PLA2G4A: variants seen among roughly 807,000 people sequenced by gnomAD.
PLA2G4A encodes the protein cytosolic phospholipase A2.
PLA2G4A carries 40 observed loss-of-function variants against 81.9 expected under a neutral mutation model. That is an observed-to-expected ratio of 0.49 (90% CI 0.38 to 0.64). PLA2G4A has a LOEUF of 0.64. Among genes scored for constraint, PLA2G4A ranks in the 30% least tolerant of loss-of-function variants. PLA2G4A has a pLI of 0.00. For synonymous variants in PLA2G4A, 302 were observed against 296.9 expected (o/e 1.02, Z -0.18); for missense variants, 715 against 905.1 (o/e 0.79, Z 2.69).
chr1:186,980,111 C>A (rs1657672215), intron 17 of PLA2G4A, among the ~76,000 whole-genome samples: 1 of 152,018 alleles, frequency 6.6e-6, no homozygotes, highest in South Asian at 2.1e-4. Flanking sequence ...CCACGCCCGG[C>A]TAATTTTTTT....
In PLA2G4A at chr1:186,884,939, G is replaced by A. The variant is rs573041728; in HGVS notation, c.116-8072G>A. Among the ~76,000 whole-genome samples the A allele has an allele frequency of 5.9e-5, 9 of 151,514 alleles. No individual in the cohort carries two copies. The South Asian group carries it at 1.2e-3, about 21-fold the overall frequency. On this transcript the variant is annotated intron_variant, in intron 3 of 17. Transcript: ENST00000367466. ...AATAAGCTCATATTCTGCAAGCCAC[G>A]TTTTCCCTCAGTCTATTAGTTAGCT...
Position 186,965,417 on chromosome 1 carries a change from G to C in PLA2G4A, c.1588G>C (p.Glu530Gln). The change falls in exon 15 of 18, where the codon GAA (glutamate) becomes CAA (glutamine). Residue 530 changes from glutamate (E) to glutamine (Q), a missense_variant. Glu to Gln is a conservative substitution (Grantham distance 29, BLOSUM62 2). Transcript: ENST00000367466. ...ELDAAVADPDEFERIYEPLDV... is the reference protein window; with the variant it reads ...ELDAAVADPDQFERIYEPLDV... ...TCTTTTATGTTTTTAAGATCCTGATGAATTTGAGCGAATATATGAGCCTCT... is the reference window on the plus strand; with the variant it reads ...TCTTTTATGTTTTTAAGATCCTGATCAATTTGAGCGAATATATGAGCCTCT... 6.3e-7 allele frequency: 1 copy of C among 1,595,566 alleles called. No homozygotes were observed. The highest frequency in any genetic ancestry group is 8.6e-7 in the Non-Finnish European group (1 of 1,163,248).
At chr1:186,945,944 C>T (rs1231362880) in intron 10 of PLA2G4A, among the ~76,000 whole-genome samples, 1 of 152,158 alleles carries the variant, frequency 6.6e-6, no homozygotes, top group Non-Finnish European at 1.5e-5. Flanking sequence ...ACACTATCTA[C>T]TTGTGATATG....
intron 5 of PLA2G4A, among the ~76,000 whole-genome samples, chr1:186,899,743 G>A (rs942619612): frequency 4.6e-5 from 7 of 152,158 alleles, no homozygotes; most frequent in African/African-American, 1.7e-4. Context: ...GCATTAGCAA[G>A]CAATGTTAAC....
At chr1:186,872,629 C>T (rs1421337318) in intron 3 of PLA2G4A, among the ~76,000 whole-genome samples, 2 of 151,844 alleles carry the variant, frequency 1.3e-5, no homozygotes, top group African/African-American at 4.8e-5. Flanking sequence ...TCTCTTTCAA[C>T]TGGTGTGGAT....
intron 2 of PLA2G4A, among the ~76,000 whole-genome samples, chr1:186,856,398 T>C (rs1416623938): frequency 6.6e-6 from 1 of 151,244 alleles, no homozygotes; most frequent in Non-Finnish European, 1.5e-5. Context: ...TGTTGCTTTT[T>C]TTTTTTTTTG....
chr1:186,888,109 T>C (rs1395858469), intron 3 of PLA2G4A, among the ~76,000 whole-genome samples: 6 of 152,188 alleles, frequency 3.9e-5, no homozygotes, highest in Non-Finnish European at 8.8e-5. Flanking sequence ...ACTCTGGACA[T>C]ACATTTTAGA....
intron 2 of PLA2G4A, among the ~76,000 whole-genome samples, chr1:186,864,590 G>C (rs1021126117): frequency 9.2e-5 from 14 of 151,400 alleles, no homozygotes; most frequent in African/African-American, 3.4e-4. Flanking sequence ...TTGGCCATTT[G>C]AGTGTCTTCT....
intron 1 of PLA2G4A, among the ~76,000 whole-genome samples, chr1:186,839,965 CTTTTTTTTTTTTTT>C (rs61704569): frequency 1.5e-4 from 11 of 75,020 alleles, no homozygotes; most frequent in Non-Finnish European, 2.1e-4. Context: ...TAATTGACTT[CTTTTTTTTTTTTTT>C]TTTTTTTTTT....
chr1:186,894,201 T>C lies in PLA2G4A; in HGVS notation c.368T>C (p.Ile123Thr). 8.4e-7 allele frequency: 1 copy of C among 1,191,708 alleles called. No homozygotes were observed. Among genetic ancestry groups the C allele is most frequent in the South Asian group, 1.2e-5 (1 of 82,740 alleles). 73.8% of individuals were successfully genotyped at this position (1,191,708 alleles called of 1,614,324 possible). The change falls in exon 5 of 18, where the codon ATT becomes ACT. Residue 123 changes from isoleucine (I) to threonine (T), a missense_variant. Physicochemically the swap from Ile to Thr is moderately conservative, Grantham distance 89 (BLOSUM62 -1). Coordinates refer to ENST00000367466, the MANE Select transcript of PLA2G4A (RefSeq NM_024420.3). ...GGAGAAAAGAAAGAAGTTCCTTTTA[T>C]TTTCAACCAAGTAAGTAACACTGCA... is the stretch of plus-strand genomic sequence containing the variant. The part of the protein sequence containing the change: ...KVGEKKEVPF[I>T]FNQVTEMVLE...
At chr1:186,924,463 C>A (rs1470514615) in intron 7 of PLA2G4A, among the ~76,000 whole-genome samples, 3 of 152,210 alleles carry the variant, frequency 2.0e-5, no homozygotes, top group Non-Finnish European at 2.9e-5. Context: ...TTTTCACGGT[C>A]TTTATCATGC....
At chr1:186,923,765 T>C (rs1362432453) in intron 7 of PLA2G4A, among the ~76,000 whole-genome samples, 6 of 152,260 alleles carry the variant, frequency 3.9e-5, no homozygotes, top group Non-Finnish European at 8.8e-5. Flanking sequence ...AAGTCATGAC[T>C]GTCAACTTTA....
At chr1:186,967,017 T>G (rs1390576639) in intron 15 of PLA2G4A, among the ~76,000 whole-genome samples, 1 of 152,150 alleles carries the variant, frequency 6.6e-6, no homozygotes, top group Non-Finnish European at 1.5e-5. Flanking sequence ...AGTTATTATT[T>G]TGATTTTATA....
chr1:186,846,217 T>C (rs1407576028), intron 1 of PLA2G4A, among the ~76,000 whole-genome samples: 1 of 152,140 alleles, frequency 6.6e-6, no homozygotes, highest in Admixed American at 6.6e-5. Context: ...TATTAACAGT[T>C]ACAGAGAGAA....
chr1:186,893,201 T>C, intron 4 of PLA2G4A, 42 bp downstream of exon 4: 1 of 1,547,638 alleles, frequency 6.5e-7, no homozygotes, highest in South Asian at 1.1e-5. Context: ...TTGTGATTCA[T>C]GTTGAGAGAC....
At chr1:186,902,577 C>T (rs901707107) in intron 5 of PLA2G4A, among the ~76,000 whole-genome samples, 2 of 152,080 alleles carry the variant, frequency 1.3e-5, no homozygotes, top group Non-Finnish European at 2.9e-5. Context: ...ACGTACACAT[C>T]CAGGTAGCCT....
At chr1:186,919,511 C>T (rs1481912656) in intron 7 of PLA2G4A, among the ~76,000 whole-genome samples, 2 of 152,140 alleles carry the variant, frequency 1.3e-5, no homozygotes, top group East Asian at 3.9e-4. Flanking sequence ...GAAGGTCGTC[C>T]ACGTACAGGA....
chr1:186,905,698 T>TCACACACACA (rs71104895), intron 5 of PLA2G4A, among the ~76,000 whole-genome samples: 5 of 148,906 alleles, frequency 3.4e-5, no homozygotes, highest in African/African-American at 1.2e-4. Flanking sequence ...CTCCTCCTCC[T>TCACACACACA]CACACACACA....
chr1:186,936,955 G>C (rs1655968566), intron 8 of PLA2G4A, among the ~76,000 whole-genome samples: 1 of 151,306 alleles, frequency 6.6e-6, no homozygotes, highest in African/African-American at 2.4e-5. Context: ...TGGTATAATT[G>C]GGAAACATTA....
Sources: allele counts gnomAD v4.1 joint callset (sites outside exome capture counted in the v4.1 genomes callset), GRCh38; gene constraint gnomAD v4.1.1; transcripts MANE v1.5; gene names NCBI Gene and HGNC (gene_info 2026-07-23, HGNC 2026-07-21).